Variants in TMEM232 observed in about 807,000 individuals in gnomAD.
The protein encoded by TMEM232 is transmembrane protein 232.
TMEM232 carries 80 observed loss-of-function variants against 78.8 expected under a neutral mutation model. The ratio of observed to expected loss-of-function variants is 1.01; its 90% CI spans 0.85 to 1.22. TMEM232 has a LOEUF of 1.22. Among genes scored for constraint, TMEM232 ranks in the 50% most tolerant of loss-of-function variants. The pLI is 0.00. For missense variants in TMEM232, 881 were observed against 742.2 expected, an observed-to-expected ratio of 1.19 and a Z score of -2.17; for synonymous variants, 297 against 254.3, an observed-to-expected ratio of 1.17 and a Z score of -1.60.
intron 12 of TMEM232, among the ~76,000 whole-genome samples, chr5:110,518,945 A>T: frequency 6.6e-6 from 1 of 152,186 alleles, no homozygotes; most frequent in East Asian, 1.9e-4. Flanking sequence ...ATTGAAAAAA[A>T]AAACACATAA....
At chr5:110,656,592 C>G (rs1789093372) in intron 2 of TMEM232, among the ~76,000 whole-genome samples, 1 of 152,138 alleles carries the variant, frequency 6.6e-6, no homozygotes, top group Non-Finnish European at 1.5e-5. Context: ...ATAATCCCAG[C>G]ACTTTGGGAG....
intron 3 of TMEM232, among the ~76,000 whole-genome samples, chr5:110,395,388 T>C (rs1755346028): frequency 2.0e-5 from 3 of 152,188 alleles, no homozygotes; most frequent in African/African-American, 7.2e-5. Flanking sequence ...GGTTCTATAT[T>C]CTCCTTTCAG....
At chr5:110,652,663 A>C (rs960325420) in intron 2 of TMEM232, among the ~76,000 whole-genome samples, 1 of 152,178 alleles carries the variant, frequency 6.6e-6, no homozygotes, top group Admixed American at 6.5e-5. Flanking sequence ...AAACATAGCT[A>C]TTTTAACCAA....
intron 12 of TMEM232, among the ~76,000 whole-genome samples, chr5:110,429,116 G>A (rs1757554999): frequency 6.6e-6 from 1 of 151,804 alleles, no homozygotes; most frequent in African/African-American, 2.4e-5. Context: ...CTTCTCTCCA[G>A]AAACTTGAAG....
intron 8 of TMEM232, among the ~76,000 whole-genome samples, chr5:110,614,720 T>C (rs1007389269): frequency 1.3e-5 from 2 of 152,038 alleles, no homozygotes; most frequent in African/African-American, 4.8e-5. Context: ...ATTTCAGTTA[T>C]GTTCTAAATC....
chr5:110,403,577 C>T (rs997368743), intron 2 of TMEM232, among the ~76,000 whole-genome samples: 3 of 152,050 alleles, frequency 2.0e-5, no homozygotes, highest in Admixed American at 6.6e-5. Context: ...TGTGATGCTG[C>T]AGACCTGCTG....
chr5:110,391,700 T>C (rs1719754688), intron 3 of TMEM232, among the ~76,000 whole-genome samples: 1 of 152,156 alleles, frequency 6.6e-6, no homozygotes, highest in Non-Finnish European at 1.5e-5. Flanking sequence ...AAAAATAGAA[T>C]CTATTGATTC....
At chr5:110,657,292 T>A (rs1342143014) in intron 2 of TMEM232, among the ~76,000 whole-genome samples, 2 of 152,210 alleles carry the variant, frequency 1.3e-5, no homozygotes, top group African/African-American at 4.8e-5. Flanking sequence ...AAGAGACATC[T>A]GCACATCCAT....
intron 12 of TMEM232, among the ~76,000 whole-genome samples, chr5:110,483,590 G>A (rs1021958467): frequency 3.9e-5 from 6 of 152,106 alleles, no homozygotes; most frequent in Middle Eastern, 3.4e-3. Context: ...CACACACCGC[G>A]GCCTGTTGTG....
intron 12 of TMEM232, chr5:110,513,997 T>G (rs1426241658): frequency 5.9e-6 from 1 of 169,510 alleles, no homozygotes; most frequent in Non-Finnish European, 1.5e-5. Context: ...TTTAACACTT[T>G]AAGTAACTGA....
chr5:110,589,759 C>T (rs1304312847), intron 10 of TMEM232, among the ~76,000 whole-genome samples: 1 of 151,944 alleles, frequency 6.6e-6, no homozygotes, highest in Non-Finnish European at 1.5e-5. Context: ...TCAAAGAGCT[C>T]AATAAATACA....
At position 110,399,301 on chromosome 5, in the gene TMEM232, G is replaced by T. The variant is rs1216280503; in HGVS notation, n.309-1447C>A. 2.0e-5 allele frequency among the ~76,000 whole-genome samples: 3 copies of T among 152,134 alleles called. No homozygotes were observed. The East Asian group carries it at 5.8e-4, about 29-fold the overall frequency. On this transcript the variant is annotated intron_variant and non_coding_transcript_variant, in intron 2 of 8. Coordinates refer to the TMEM232 transcript ENST00000507188. Reference sequence around the variant, plus strand: ...AGTTGAGCTGGATTCTTGTAACACTGAGCAGTGGTGGCATGCAAATGTGCA... The same window carrying T: ...AGTTGAGCTGGATTCTTGTAACACTTAGCAGTGGTGGCATGCAAATGTGCA...
intron 10 of TMEM232, among the ~76,000 whole-genome samples, chr5:110,600,419 G>A (rs528361219): frequency 6.6e-6 from 1 of 152,200 alleles, no homozygotes; most frequent in Admixed American, 6.5e-5. Flanking sequence ...ACGCTAGCCA[G>A]ACTATTACAG....
intron 12 of TMEM232, among the ~76,000 whole-genome samples, chr5:110,458,271 C>T (rs555439388): frequency 4.6e-5 from 7 of 151,088 alleles, no homozygotes; most frequent in African/African-American, 1.5e-4. Flanking sequence ...GTTTTGTCAT[C>T]TTTTTTTTGT....
chr5:110,643,867 T>C (rs569187135), intron 2 of TMEM232, among the ~76,000 whole-genome samples: 261 of 152,054 alleles, frequency 1.7e-3, no homozygotes, highest in African/African-American at 5.8e-3. Context: ...GAATCAAATA[T>C]AAGATATCCC....
intron 1 of TMEM232, among the ~76,000 whole-genome samples, chr5:110,681,500 T>C (rs1792742663): frequency 6.6e-6 from 1 of 152,176 alleles, no homozygotes; most frequent in Admixed American, 6.5e-5. Flanking sequence ...TAAGATAAAA[T>C]ATTCTCCATA....
At chr5:110,509,624 T>G (rs750171611) in intron 12 of TMEM232, among the ~76,000 whole-genome samples, 17 of 152,222 alleles carry the variant, frequency 1.1e-4, no homozygotes, top group Admixed American at 2.0e-4. Context: ...ATATACATTA[T>G]ATATGGTATA....
chr5:110,604,020 T>A (rs1405789571), intron 10 of TMEM232, among the ~76,000 whole-genome samples: 6 of 152,174 alleles, frequency 3.9e-5, no homozygotes, highest in Admixed American at 3.9e-4. Context: ...ATATCTGAAA[T>A]TTAATGATTT....
chr5:110,680,396 C>CAAAAAAA (rs1189611727), intron 1 of TMEM232, among the ~76,000 whole-genome samples: 4 of 24,654 alleles, frequency 1.6e-4, no homozygotes, highest in Non-Finnish European at 1.7e-4. Context: ...GACTCTATCT[C>CAAAAAAA]AAAAAAAAAA....
Sources: allele counts gnomAD v4.1 joint callset (sites outside exome capture counted in the v4.1 genomes callset), GRCh38; gene constraint gnomAD v4.1.1; transcripts MANE v1.5; gene names NCBI Gene and HGNC (gene_info 2026-07-23, HGNC 2026-07-21).